The following SLC26A9 variants were observed in gnomAD, a reference collection of about 807,000 sequenced individuals.
SLC26A9 encodes solute carrier family 26 member 9.
Under a neutral mutation model 87.1 loss-of-function variants are expected in SLC26A9, and 46 were observed. The observed-to-expected ratio is 0.53, with a 90% CI of 0.42 to 0.67. The LOEUF (loss-of-function observed/expected upper bound fraction) is 0.67. SLC26A9 is among the 30% of genes least tolerant of loss of function. The probability of loss-of-function intolerance (pLI) is 0.00; values close to 1 mark genes in which losing one functional copy is unlikely to be tolerated. For synonymous variants in SLC26A9, 437 were observed against 409.1 expected (o/e 1.07, Z -0.82); for missense variants, 927 against 1,018.3 (o/e 0.91, Z 1.22).
intron 5 of SLC26A9, among the ~76,000 whole-genome samples, chr1:205,930,446 C>T (rs867767861): frequency 6.6e-6 from 1 of 152,228 alleles, no homozygotes; most frequent in African/African-American, 2.4e-5. Context: ...GTAAAACATT[C>T]TTTTCAAGTC....
intron 7 of SLC26A9, 35 bp downstream of exon 7, chr1:205,929,169 C>T (rs767831858): frequency 8.6e-5 from 137 of 1,594,588 alleles, no homozygotes; most frequent in Admixed American, 8.2e-4. Context: ...CACAGCCTGG[C>T]CCCCCAACAT....
At position 205,926,577 on chromosome 1, in the gene SLC26A9, G is replaced by A; in HGVS notation, c.1347C>T (p.Leu449=). 6.2e-7 allele frequency: 1 copy of A among 1,614,198 alleles called. No homozygotes were observed. The highest frequency in any genetic ancestry group is 8.5e-7 in the Non-Finnish European group (1 of 1,180,040). ...TCCTCCACAGGTAGTAGGGGTCGGT[G>A]AGTTGCTTGAGGGAGTTCTTGAGAT... ...AVNLKNSLKQ[L]TDPYYLWRKS... Residue 449 remains leucine (L), a synonymous_variant, in exon 12 of 21, where the codon CTC becomes CTT. Transcript: ENST00000367135.
At chr1:205,917,841 A>AACTTATT (rs1274970236) in intron 19 of SLC26A9, among the ~76,000 whole-genome samples, 4 of 152,218 alleles carry the variant, frequency 2.6e-5, no homozygotes, top group African/African-American at 9.6e-5. Flanking sequence ...ATGACTAATC[A>AACTTATT]AGTATACATA....
chr1:205,932,827 G>A lies in SLC26A9; in HGVS notation c.266-15C>T, dbSNP rs759159697. On this transcript the variant is annotated splice_polypyrimidine_tract_variant and intron_variant, in intron 3 of 20. Transcript: ENST00000367135. Reference sequence around the variant, plus strand: ...AAATGCCATGCCTGCAGAGGACAACGAGACTGAAGCTCAGCAGCATGACTA... The same window carrying A: ...AAATGCCATGCCTGCAGAGGACAACAAGACTGAAGCTCAGCAGCATGACTA... 12 of 1,591,026 alleles carry A rather than the reference G, an allele frequency of 7.5e-6. No individual in the cohort carries two copies. The highest frequency in any genetic ancestry group is 9.4e-6 in the Non-Finnish European group (11 of 1,167,736).
At chr1:205,919,911 A>G (rs544767540) in intron 18 of SLC26A9, among the ~76,000 whole-genome samples, 6 of 152,268 alleles carry the variant, frequency 3.9e-5, no homozygotes, top group Non-Finnish European at 7.4e-5. Context: ...CAAATTAGTT[A>G]TGGGGTAGAT....
rs1420356688 is a variant in SLC26A9, at chr1:205,917,026, G to C, written c.2328+257C>G. ...GAGAACCTCTGGAACCCGGGAGGCA[G>C]AGGTTGCAGTGAGCTGAGATCATGC... On this transcript the variant is annotated intron_variant, in intron 20 of 20. Coordinates refer to ENST00000367135, the MANE Select transcript of SLC26A9 (RefSeq NM_052934.4). Among the ~76,000 whole-genome samples the C allele has an allele frequency of 2.0e-5, 3 of 151,290 alleles. No homozygotes were observed. In the East Asian group the frequency reaches 5.8e-4, roughly 29 times the overall value.
intron 17 of SLC26A9, 89 bp downstream of exon 17, chr1:205,921,477 C>T (rs1272830614): frequency 2.7e-6 from 4 of 1,474,098 alleles, no homozygotes; most frequent in South Asian, 1.3e-5. Context: ...CCCTCAGCTT[C>T]CTGAAATGAG....
At chr1:205,937,019 A>T (rs1254570897) in intron 1 of SLC26A9, among the ~76,000 whole-genome samples, 1 of 152,260 alleles carries the variant, frequency 6.6e-6, no homozygotes, top group Non-Finnish European at 1.5e-5. Context: ...AGTAACAGAC[A>T]TATCTCACAG....
intron 8 of SLC26A9, among the ~76,000 whole-genome samples, chr1:205,928,598 A>G (rs1448703060): frequency 6.6e-6 from 1 of 152,190 alleles, no homozygotes. Context: ...GTTGAATGAG[A>G]TTTATAAGGG....
intron 1 of SLC26A9, among the ~76,000 whole-genome samples, chr1:205,939,017 C>T (rs1659631613): frequency 6.6e-6 from 1 of 152,170 alleles, no homozygotes; most frequent in Admixed American, 6.5e-5. Flanking sequence ...AAAAGCCTCC[C>T]TTGCTTTACT....
intron 18 of SLC26A9, among the ~76,000 whole-genome samples, chr1:205,919,279 C>G (rs1222728036): frequency 1.3e-5 from 2 of 152,194 alleles, no homozygotes; most frequent in African/African-American, 4.8e-5. Flanking sequence ...GAAGAGGCCG[C>G]TGCCAGTTCT....
At chr1:205,924,219 C>A (rs1658968974) in intron 13 of SLC26A9, among the ~76,000 whole-genome samples, 164 bp downstream of exon 13, 1 of 152,224 alleles carries the variant, frequency 6.6e-6, no homozygotes, top group South Asian at 2.1e-4. Context: ...ACTGTGCCCA[C>A]AGTCCTGGCT....
intron 1 of SLC26A9, among the ~76,000 whole-genome samples, chr1:205,941,232 G>A (rs1039505157): frequency 3.9e-5 from 6 of 152,110 alleles, no homozygotes; most frequent in Admixed American, 2.6e-4. Context: ...GCAGTGGCAC[G>A]ATCTTGGCTC....
At chr1:205,916,293 C>T (rs1048811766) in intron 20 of SLC26A9, among the ~76,000 whole-genome samples, 21 of 152,232 alleles carry the variant, frequency 1.4e-4, no homozygotes, top group South Asian at 2.1e-4. Flanking sequence ...GACGGGGTTT[C>T]GCCATGTTGG....
At chr1:205,931,223 G>A (rs1002594631) in intron 5 of SLC26A9, among the ~76,000 whole-genome samples, 20 of 152,298 alleles carry the variant, frequency 1.3e-4, no homozygotes, top group Middle Eastern at 3.4e-3. Context: ...GGAGAGGAGT[G>A]AGGGATGTTA....
chr1:205,930,946 C>G (rs892803713), intron 5 of SLC26A9, among the ~76,000 whole-genome samples: 15 of 152,194 alleles, frequency 9.9e-5, no homozygotes, highest in African/African-American at 2.7e-4. Flanking sequence ...TATCTGTTGA[C>G]ATGGCTCCTT....
At chr1:205,941,214 G>C (rs931677791) in intron 1 of SLC26A9, among the ~76,000 whole-genome samples, 1 of 152,136 alleles carries the variant, frequency 6.6e-6, no homozygotes, top group Non-Finnish European at 1.5e-5. Context: ...TGTCACCCAG[G>C]CTGGAGTGCA....
At chr1:205,936,302 G>A (rs1465933886) in intron 1 of SLC26A9, among the ~76,000 whole-genome samples, 2 of 152,196 alleles carry the variant, frequency 1.3e-5, no homozygotes, top group African/African-American at 2.4e-5. Context: ...ACAGAAAACA[G>A]CTTGCCTAGA....
chr1:205,933,163 T>G, intron 2 of SLC26A9, 79 bp from the exon 3 acceptor site: 1 of 1,559,378 alleles, frequency 6.4e-7, no homozygotes, highest in East Asian at 2.3e-5. Flanking sequence ...TATCATATCC[T>G]GCTCATTTCA....
Sources: gnomAD v4.1 joint callset for allele counts (sites outside exome capture counted in the v4.1 genomes callset) on GRCh38, gnomAD v4.1.1 for gene constraint, MANE v1.5 for transcripts, NCBI Gene and HGNC (gene_info 2026-07-23, HGNC 2026-07-21) for gene names.